Variants in ZNF182 observed in about 807,000 individuals in gnomAD.
The protein encoded by ZNF182 is zinc finger protein 182, also known as zinc finger protein 21 (KOX 14).
ZNF182 carries 10 observed loss-of-function variants against 28.1 expected under a neutral mutation model. That is an observed-to-expected ratio of 0.36 (90% CI 0.22 to 0.60). The LOEUF (loss-of-function observed/expected upper bound fraction) is 0.60. Ranked by LOEUF, ZNF182 falls within the 20% of genes least tolerant of loss-of-function variation. ZNF182 has a pLI of 0.75. For missense variants in ZNF182, 352 were observed against 453.2 expected (o/e 0.78, Z 2.03); for synonymous variants, 156 against 158.7 (o/e 0.98, Z 0.13).
intron 3 of ZNF182, among the ~76,000 whole-genome samples, chrX:47,986,709 A>G (rs1445331579): frequency 9.0e-6 from 1 of 111,583 alleles, no homozygotes; most frequent in East Asian, 2.8e-4. Context: ...ATGGAATGGG[A>G]AAGGCAGACC....
intron 3 of ZNF182, among the ~76,000 whole-genome samples, chrX:47,988,250 G>A (rs2058929396): frequency 9.0e-6 from 1 of 110,660 alleles, no homozygotes; most frequent in Non-Finnish European, 1.9e-5. Context: ...TCAGGAAGCG[G>A]AGGTTGCAGT....
chrX:47,977,252 T>C lies in ZNF182; in HGVS notation c.778A>G (p.Ile260Val). 1 of 1,210,713 alleles carries C rather than the reference T, an allele frequency of 8.3e-7. No individual in the cohort carries two copies. Among genetic ancestry groups the C allele is most frequent in the South Asian group, 1.8e-5 (1 of 56,756 alleles). The change falls in exon 6 of 6, where the codon ATA becomes GTA. Residue 260 changes from isoleucine (I) to valine (V), a missense_variant. Physicochemically the swap from Ile to Val is conservative, Grantham distance 29. Coordinates refer to ENST00000376943, the MANE Select transcript of ZNF182 (RefSeq NM_001007088.2). The part of the protein sequence containing the change: ...KAFSQKSQLI[I>V]HLRTHTGERP... ...TCTCCTGTATGAGTTCGCAAGTGTA[T>C]AATGAGCTGAGATTTTTGGCTAAAA... is the stretch of plus-strand genomic sequence containing the variant.
chrX:47,983,401 G>A lies in ZNF182; in HGVS notation c.26C>T (p.Thr9Ile). The A allele has an allele frequency of 8.3e-7, 1 of 1,206,885 alleles. No individual in the cohort carries two copies. Among genetic ancestry groups the A allele is most frequent in the Non-Finnish European group, 1.1e-6 (1 of 893,641 alleles). MAKPQGLV[T>I]FEDVAVDFTQ... is the part of the protein sequence containing the mutation. ...GAAATCCACAGCTACATCTTCAAAT[G>A]TCACTAGCCCCTGTAATGGTACATT... The change falls in exon 4 of 6, where the codon ACA (threonine) becomes ATA (isoleucine). Residue 9 changes from threonine to isoleucine, a missense_variant. Thr to Ile is a moderately conservative substitution (Grantham distance 89). Coordinates refer to ENST00000376943, the MANE Select transcript of ZNF182 (RefSeq NM_001007088.2).
At chrX:47,996,454 T>A (rs2058958885) in intron 3 of ZNF182, among the ~76,000 whole-genome samples, 1 of 104,383 alleles carries the variant, frequency 9.6e-6, no homozygotes, top group African/African-American at 3.5e-5. Flanking sequence ...AGGCAGAAAA[T>A]GAGAAACAAA....
chrX:47,985,406 T>A (rs1250436072), intron 3 of ZNF182, among the ~76,000 whole-genome samples: 1 of 111,375 alleles, frequency 9.0e-6, no homozygotes, highest in Non-Finnish European at 1.9e-5. Context: ...TGAAAATATA[T>A]CTATATTTTC....
chrX:48,000,302 C>T (rs192517003), intron 3 of ZNF182, among the ~76,000 whole-genome samples: 3 of 111,458 alleles, frequency 2.7e-5, no homozygotes, highest in African/African-American at 9.8e-5. Flanking sequence ...TGGCTCATGC[C>T]TGTAATCCCA....
At chrX:47,999,070 AT>A (rs2058969484) in intron 3 of ZNF182, among the ~76,000 whole-genome samples, 1 of 111,529 alleles carries the variant, frequency 9.0e-6, no homozygotes, top group Non-Finnish European at 1.9e-5. Flanking sequence ...ATGGAATATC[AT>A]TCAGCCTTTA....
In ZNF182 at chrX:47,976,109, G is replaced by C; in HGVS notation, c.*58C>G. 12 of 1,014,389 alleles carry C rather than the reference G, an allele frequency of 1.2e-5. No individual in the cohort carries two copies. The highest frequency in any genetic ancestry group is 1.6e-5 in the Non-Finnish European group (12 of 769,327). The allele number at this position is 1,014,389 out of a possible 1,213,427, so 83.6% of individuals were successfully genotyped here. A position where few individuals can be genotyped will look rare whatever the true frequency, so the allele number is the denominator to read the frequency against. ...AAGTCAAAATATACTTTTAAAATGT[G>C]AGTAAAATTGACACAACTTTCTTTC... On this transcript the variant is annotated 3_prime_UTR_variant, in exon 6 of 6. Transcript: ENST00000376943.
In ZNF182 at chrX:47,977,984, C is replaced by T. The variant is rs538149652; in HGVS notation, c.233-187G>A. ...ACCAAGAACAATCTTACCCTGACAC[C>T]TCAGTCTTTCTTACGTCTATTTATA... On this transcript the variant is annotated intron_variant, in intron 5 of 5. Transcript: ENST00000376943. Among the ~76,000 whole-genome samples the T allele has an allele frequency of 1.8e-4, 20 of 111,854 alleles. No individual in the cohort carries two copies. The South Asian group carries it at 7.5e-3, about 42-fold the overall frequency.
intron 3 of ZNF182, among the ~76,000 whole-genome samples, chrX:47,999,150 C>T (rs906056504): frequency 5.4e-5 from 6 of 111,267 alleles, no homozygotes; most frequent in Non-Finnish European, 9.4e-5. Context: ...GAGGCCAAGG[C>T]AGGCAGATCA....
chrX:47,976,390 C>T lies in ZNF182; in HGVS notation c.1640G>A (p.Gly547Glu). ...CTCAGTGCATGCATAGGGTTTCTCTCCCGTGTGCGTTCTCTGATGTATTAT... is the reference window on the plus strand; with the variant it reads ...CTCAGTGCATGCATAGGGTTTCTCTTCCGTGTGCGTTCTCTGATGTATTAT... Reference protein sequence around the residue: ...QLIIHQRTHTGEKPYACTECG... With the variant: ...QLIIHQRTHTEEKPYACTECG... Residue 547 changes from glycine to glutamate, a missense_variant, in exon 6 of 6, where the codon GGA (glycine) becomes GAA (glutamate). Physicochemically the swap from Gly to Glu is moderately conservative, Grantham distance 98. Transcript: ENST00000376943. The T allele has an allele frequency of 8.3e-7, 1 of 1,210,802 alleles. No individual in the cohort carries two copies.
intron 3 of ZNF182, among the ~76,000 whole-genome samples, chrX:47,990,767 G>A (rs1050178594): frequency 8.9e-6 from 1 of 111,948 alleles, no homozygotes; most frequent in Admixed American, 9.4e-5. Flanking sequence ...CAAGCATTCT[G>A]TTGCACTCTT....
chrX:47,988,619 T>A, intron 3 of ZNF182: 2 of 396,294 alleles, frequency 5.0e-6, no homozygotes, highest in Non-Finnish European at 9.0e-6. Flanking sequence ...CTTGCAGGAC[T>A]GTGAGCCAAA....
At chrX:47,986,240 C>T (rs920921236) in intron 3 of ZNF182, among the ~76,000 whole-genome samples, 3 of 112,662 alleles carry the variant, frequency 2.7e-5, no homozygotes, top group African/African-American at 9.7e-5. Context: ...TCAATATCAG[C>T]TATGACCACA....
chrX:47,976,464 A>G lies in ZNF182; in HGVS notation c.1566T>C (p.Pro522=), dbSNP rs1053380925. The change falls in exon 6 of 6, where the codon CCT becomes CCC. Residue 522 remains proline (P), a synonymous_variant. Transcript: ENST00000376943. Reference sequence around the variant, plus strand: ...CTTTCCAACACACAGGACATTCATAAGGTTTCTCTCCTGTATGAATTCTCT... The same window carrying G: ...CTTTCCAACACACAGGACATTCATAGGGTTTCTCTCCTGTATGAATTCTCT... ...IHQRIHTGEK[P]YECPVCWKAF... is the part of the protein sequence containing the mutation. The G allele has an allele frequency of 8.3e-7, 1 of 1,211,036 alleles. No homozygotes were observed. The highest frequency in any genetic ancestry group is 1.7e-5 in the African/African-American group (1 of 57,689).
intron 3 of ZNF182, chrX:47,988,430 CTT>C (rs1556900029): frequency 3.0e-6 from 1 of 336,204 alleles, no homozygotes; most frequent in Non-Finnish European, 5.4e-6. Context: ...TGATGAGTGA[CTT>C]TTCACTCTAT....
rs781810869 is a variant in ZNF182 at position 47,976,898 on chromosome X, T to C, written c.1132A>G (p.Thr378Ala). Residue 378 changes from threonine (T) to alanine (A), a missense_variant, in exon 6 of 6, where the codon ACG becomes GCG. Transcript: ENST00000376943. The part of the protein sequence containing the change: ...STLIIHQRTH[T>A]GEKPHKCTEC... Reference sequence around the variant, plus strand: ...GTACATTTATGAGGTTTCTCTCCCGTATGAGTTCTCTGGTGTATAATGAGA... The same window carrying C: ...GTACATTTATGAGGTTTCTCTCCCGCATGAGTTCTCTGGTGTATAATGAGA... The C allele has an allele frequency of 4.1e-6, 5 of 1,208,581 alleles. No individual in the cohort carries two copies. In the Admixed American group the frequency reaches 1.1e-4, roughly 27 times the overall value.
Position 48,002,671 on chromosome X carries a change from G to C in ZNF182, c.-44-18C>G. ...CGGCCGAGCTGGAACAAGTGGAGAA[G>C]AGTACAGCAGATGAGGAGACCCCAT... On this transcript the variant is annotated intron_variant, in intron 2 of 5. Transcript: ENST00000376943. 2 of 1,182,258 alleles carry C rather than the reference G, an allele frequency of 1.7e-6. No homozygotes were observed. Among genetic ancestry groups the C allele is most frequent in the Non-Finnish European group, 2.3e-6 (2 of 872,722 alleles).
chrX:47,995,128 G>A lies in ZNF182; in HGVS notation c.15+7467C>T, dbSNP rs1394545174. Among the ~76,000 whole-genome samples the A allele has an allele frequency of 5.5e-5, 6 of 108,395 alleles. No homozygotes were observed. The East Asian group carries it at 8.9e-4, about 16-fold the overall frequency. 94.1% of individuals were successfully genotyped at this position (108,395 alleles called of 115,157 possible). Reference sequence around the variant, plus strand: ...GGGCAGATCACAAGGTCAAGAGATCGAGACCATCCTGGCCAACATGGTGAA... The same window carrying A: ...GGGCAGATCACAAGGTCAAGAGATCAAGACCATCCTGGCCAACATGGTGAA... On this transcript the variant is annotated intron_variant, in intron 3 of 5. Coordinates refer to ENST00000376943, the MANE Select transcript of ZNF182 (RefSeq NM_001007088.2).
Sources: allele counts gnomAD v4.1 joint callset (sites outside exome capture counted in the v4.1 genomes callset), GRCh38; gene constraint gnomAD v4.1.1; transcripts MANE v1.5; gene names NCBI Gene and HGNC (gene_info 2026-07-23, HGNC 2026-07-21).